The following UBE2E2 variants were observed in gnomAD, a reference collection of about 807,000 sequenced individuals.
UBE2E2 encodes the protein ubiquitin-conjugating enzyme E2 E2.
Under a neutral mutation model 24.7 loss-of-function variants are expected in UBE2E2, and 6 were observed. That is an observed-to-expected ratio of 0.24 (90% CI 0.13 to 0.48). UBE2E2 has a LOEUF of 0.48. Among genes scored for constraint, UBE2E2 ranks in the 20% least tolerant of loss-of-function variants. UBE2E2 has a pLI of 0.99. For synonymous variants in UBE2E2, 104 were observed against 83.6 expected (o/e 1.24, Z -1.33); for missense variants, 169 against 245.0 (o/e 0.69, Z 2.07).
chr3:23,342,283 C>T (rs1695414026), intron 3 of UBE2E2, among the ~76,000 whole-genome samples: 1 of 151,866 alleles, frequency 6.6e-6, no homozygotes, highest in African/African-American at 2.4e-5. Context: ...CCCCTGGGCC[C>T]AAGTGATCCT....
At chr3:23,470,410 G>T (rs1003344784) in intron 3 of UBE2E2, among the ~76,000 whole-genome samples, 1 of 152,164 alleles carries the variant, frequency 6.6e-6, no homozygotes, top group Non-Finnish European at 1.5e-5. Flanking sequence ...GACCTACCAG[G>T]TAGGAATCTA....
chr3:23,354,520 T>TC (rs1559358974), intron 3 of UBE2E2, among the ~76,000 whole-genome samples: 1 of 151,876 alleles, frequency 6.6e-6, no homozygotes, highest in Non-Finnish European at 1.5e-5. Context: ...TACAATGAAC[T>TC]CCAACAAATT....
intron 3 of UBE2E2, among the ~76,000 whole-genome samples, chr3:23,448,657 A>G (rs1698488071): frequency 6.6e-6 from 1 of 152,182 alleles, no homozygotes; most frequent in African/African-American, 2.4e-5. Flanking sequence ...TGTAATTCAA[A>G]TGTGTTACCT....
intron 3 of UBE2E2, among the ~76,000 whole-genome samples, chr3:23,219,695 C>T (rs1157375978): frequency 6.6e-6 from 1 of 152,178 alleles, no homozygotes; most frequent in Non-Finnish European, 1.5e-5. Context: ...TTACTCTGCT[C>T]CCTTTGTGGA....
At chr3:23,539,708 T>G (rs1348875946) in intron 5 of UBE2E2, among the ~76,000 whole-genome samples, 1 of 152,190 alleles carries the variant, frequency 6.6e-6, no homozygotes, top group African/African-American at 2.4e-5. Flanking sequence ...GTTACAGAGT[T>G]GTTCACGCAT....
chr3:23,215,737 A>G (rs1696458960), intron 2 of UBE2E2, among the ~76,000 whole-genome samples: 2 of 151,948 alleles, frequency 1.3e-5, no homozygotes, highest in Admixed American at 6.6e-5. Context: ...TCCTTTTTGC[A>G]TTTTCTGTAT....
chr3:23,532,917 G>A (rs1012387316), intron 5 of UBE2E2, among the ~76,000 whole-genome samples: 1 of 152,080 alleles, frequency 6.6e-6, no homozygotes, highest in Admixed American at 6.6e-5. Flanking sequence ...AAAGTATAGT[G>A]TGGTAAAAAA....
rs563804851 is a variant in UBE2E2 at position 23,406,587 on chromosome 3, G to A, written c.228-93021G>A. 2.6e-5 allele frequency among the ~76,000 whole-genome samples: 4 copies of A among 152,274 alleles called. No individual in the cohort carries two copies. In the Middle Eastern group the frequency reaches 0.01, roughly 388 times the overall value. The stretch of plus-strand genomic sequence containing the variant: ...AGTAAAACTTAAATAAGTAAATGTA[G>A]TGATTTATGGGTTCCTAGGTGGAAA... On this transcript the variant is annotated intron_variant, in intron 3 of 5. Coordinates refer to ENST00000396703, the MANE Select transcript of UBE2E2 (RefSeq NM_152653.4).
chr3:23,434,106 A>G (rs1698129424), intron 3 of UBE2E2, among the ~76,000 whole-genome samples: 1 of 152,056 alleles, frequency 6.6e-6, no homozygotes, highest in African/African-American at 2.4e-5. Context: ...GTAAAAGTTA[A>G]TGCTTTTGAG....
At chr3:23,525,073 G>C (rs1241039257) in intron 4 of UBE2E2, among the ~76,000 whole-genome samples, 5 of 152,062 alleles carry the variant, frequency 3.3e-5, no homozygotes, top group Admixed American at 6.6e-5. Context: ...GCCTTTTTCA[G>C]CTTCTAGAGG....
At chr3:23,243,728 C>T (rs945188232) in intron 3 of UBE2E2, among the ~76,000 whole-genome samples, 2 of 149,160 alleles carry the variant, frequency 1.3e-5, no homozygotes, top group African/African-American at 4.9e-5. Context: ...TCTGAAATCA[C>T]TTGTCTACAA....
intron 3 of UBE2E2, among the ~76,000 whole-genome samples, chr3:23,304,621 C>G (rs879937505): frequency 6.6e-6 from 1 of 152,064 alleles, no homozygotes. Flanking sequence ...TATCCTCACA[C>G]ATAATATGTA....
chr3:23,309,266 A>G (rs557461357), intron 3 of UBE2E2, among the ~76,000 whole-genome samples: 2 of 152,278 alleles, frequency 1.3e-5, no homozygotes, highest in South Asian at 2.1e-4. Context: ...CCCAGAAACA[A>G]TACTTCAGCA....
chr3:23,232,080 G>C (rs1034371214), intron 3 of UBE2E2, among the ~76,000 whole-genome samples: 25 of 152,192 alleles, frequency 1.6e-4, no homozygotes, highest in African/African-American at 6.0e-4. Flanking sequence ...CAGTGGCTAT[G>C]ATCTTAAGCT....
chr3:23,271,152 G>A, intron 3 of UBE2E2: 1 of 416,100 alleles, frequency 2.4e-6, no homozygotes, highest in Admixed American at 2.8e-5. Flanking sequence ...TTCAAAAGAT[G>A]GCAAGTATTG....
chr3:23,449,804 G>A (rs143011046), intron 3 of UBE2E2: 502 of 930,478 alleles, frequency 5.4e-4, no homozygotes, highest in Non-Finnish European at 6.3e-4. Flanking sequence ...ATATCTCAAC[G>A]GGGAAAAGTT....
At chr3:23,311,334 T>A (rs531307576) in intron 3 of UBE2E2, among the ~76,000 whole-genome samples, 214 of 152,350 alleles carry the variant, frequency 1.4e-3, no homozygotes, top group African/African-American at 4.9e-3. Flanking sequence ...GCATGTGTCT[T>A]TATAGCAGCA....
rs1184949124 is a variant in UBE2E2, at chr3:23,344,990, A to AG, written c.227+127680dup. Among the ~76,000 whole-genome samples, 7 of 152,134 alleles carry AG rather than the reference A, an allele frequency of 4.6e-5. No homozygotes were observed. In the South Asian group the frequency reaches 8.3e-4, roughly 18 times the overall value. On this transcript the variant is annotated intron_variant, in intron 3 of 5. Transcript: ENST00000396703. Reference sequence around the variant, plus strand: ...TCAATTCCATTGTGGACTCTCCCCCAGGTGTGCAGCCTTGAATGATGGAAA... The same window carrying AG: ...TCAATTCCATTGTGGACTCTCCCCCAGGGTGTGCAGCCTTGAATGATGGAAA...
chr3:23,228,512 T>C (rs1575486845), intron 3 of UBE2E2, among the ~76,000 whole-genome samples: 1 of 152,342 alleles, frequency 6.6e-6, no homozygotes, highest in East Asian at 1.9e-4. Context: ...TATTCTTTCA[T>C]GTATCCAAAT....
Sources: allele counts gnomAD v4.1 joint callset (sites outside exome capture counted in the v4.1 genomes callset), GRCh38; gene constraint gnomAD v4.1.1; transcripts MANE v1.5; gene names NCBI Gene and HGNC (gene_info 2026-07-23, HGNC 2026-07-21).